ROBO1: variants seen among roughly 807,000 people sequenced by gnomAD.
ROBO1 encodes the protein roundabout homolog 1.
Under a neutral mutation model 195.9 loss-of-function variants are expected in ROBO1, and 149 were observed. The ratio of observed to expected loss-of-function variants is 0.76; its 90% CI spans 0.67 to 0.87. ROBO1 has a LOEUF of 0.87. ROBO1 is among the 40% of genes least tolerant of loss of function. The pLI, the probability that ROBO1 is intolerant of heterozygous loss-of-function variation, is 0.00. For missense variants in ROBO1, 1,933 were observed against 2,068.3 expected (o/e 0.93, Z 1.27); for synonymous variants, 816 against 733.2 (o/e 1.11, Z -1.82).
chr3:79,500,119 CTTTTTTTTTT>C (rs57887981), intron 2 of ROBO1, among the ~76,000 whole-genome samples: 46 of 72,498 alleles, frequency 6.3e-4, no homozygotes, highest in African/African-American at 1.3e-3. Context: ...TAAGTTTTCT[CTTTTTTTTTT>C]TTTTTTTTTT....
chr3:78,617,596 G>C, intron 27 of ROBO1, 39 bp downstream of exon 27: 1 of 1,556,462 alleles, frequency 6.4e-7, no homozygotes, highest in Non-Finnish European at 8.7e-7. Flanking sequence ...TATACATTGA[G>C]TTTTCTTTCC....
At chr3:79,150,930 G>C (rs970086280) in intron 2 of ROBO1, among the ~76,000 whole-genome samples, 33 of 151,578 alleles carry the variant, frequency 2.2e-4, no homozygotes, top group Non-Finnish European at 5.9e-5. Context: ...TGGTGTGGCT[G>C]TGTCCCCATC....
At chr3:79,717,736 C>G (rs1489340331) in intron 1 of ROBO1, among the ~76,000 whole-genome samples, 3 of 151,876 alleles carry the variant, frequency 2.0e-5, no homozygotes, top group African/African-American at 7.2e-5. Context: ...TTTTTTAAAA[C>G]TTACAGTGCT....
intron 2 of ROBO1, among the ~76,000 whole-genome samples, chr3:79,181,742 T>C (rs985829567): frequency 1.3e-5 from 2 of 151,962 alleles, no homozygotes; most frequent in African/African-American, 2.4e-5. Context: ...TTAAGAGACA[T>C]AGGGAGACCC....
At chr3:79,378,875 C>T (rs1207849378) in intron 2 of ROBO1, among the ~76,000 whole-genome samples, 1 of 152,272 alleles carries the variant, frequency 6.6e-6, no homozygotes, top group East Asian at 1.9e-4. Flanking sequence ...AGTTTCAGCT[C>T]CGCCTCTTCC....
intron 2 of ROBO1, among the ~76,000 whole-genome samples, chr3:79,238,752 A>T (rs2082458621): frequency 6.6e-6 from 1 of 152,166 alleles, no homozygotes; most frequent in Admixed American, 6.5e-5. Flanking sequence ...TCCTGATTAG[A>T]TGCAATTGAC....
At chr3:79,140,775 A>C (rs2080508751) in intron 2 of ROBO1, among the ~76,000 whole-genome samples, 1 of 152,198 alleles carries the variant, frequency 6.6e-6, no homozygotes, top group Non-Finnish European at 1.5e-5. Context: ...AGAAAAGTGA[A>C]TTTTGAAAAT....
At chr3:79,492,498 TTA>T (rs1939519502) in intron 2 of ROBO1, among the ~76,000 whole-genome samples, 1 of 151,246 alleles carries the variant, frequency 6.6e-6, no homozygotes, top group Non-Finnish European at 1.5e-5. Context: ...TGAAAACCAT[TTA>T]TGAGTTATTT....
At chr3:78,993,279 G>GCATA (rs892897609) in intron 3 of ROBO1, among the ~76,000 whole-genome samples, 14 of 152,122 alleles carry the variant, frequency 9.2e-5, no homozygotes, top group Non-Finnish European at 1.9e-4. Context: ...ACAAGCACAC[G>GCATA]CATACATACA....
intron 3 of ROBO1, among the ~76,000 whole-genome samples, chr3:79,085,121 A>G (rs1012522129): frequency 6.6e-6 from 1 of 152,174 alleles, no homozygotes; most frequent in Non-Finnish European, 1.5e-5. Context: ...GAGTTTTTTA[A>G]TAACATAGTA....
At chr3:79,638,082 G>A (rs759925296) in intron 1 of ROBO1, among the ~76,000 whole-genome samples, 1 of 152,152 alleles carries the variant, frequency 6.6e-6, no homozygotes, top group Admixed American at 6.5e-5. Flanking sequence ...ACTTCAGAAA[G>A]TTCAATAGAT....
At chr3:79,353,652 A>G (rs1210149214) in intron 2 of ROBO1, among the ~76,000 whole-genome samples, 1 of 152,170 alleles carries the variant, frequency 6.6e-6, no homozygotes, top group Non-Finnish European at 1.5e-5. Flanking sequence ...ATTTTGATTT[A>G]TTCTATAGTC....
intron 2 of ROBO1, among the ~76,000 whole-genome samples, chr3:79,498,648 G>A (rs1331196574): frequency 6.6e-6 from 1 of 152,126 alleles, no homozygotes; most frequent in Non-Finnish European, 1.5e-5. Context: ...GAGGTCAGAA[G>A]TTCAAGACCA....
intron 3 of ROBO1, among the ~76,000 whole-genome samples, chr3:79,034,473 T>C (rs868007019): frequency 1.3e-5 from 2 of 152,124 alleles, no homozygotes; most frequent in African/African-American, 4.8e-5. Context: ...TGTATTAGAA[T>C]TATAAAGTGA....
intron 4 of ROBO1, among the ~76,000 whole-genome samples, chr3:78,931,148 CT>C (rs1046022238): frequency 6.7e-6 from 1 of 150,232 alleles, no homozygotes. Flanking sequence ...AAAAAAATCA[CT>C]TTTTTTTGGA....
At chr3:79,199,329 A>C (rs1335811199) in intron 2 of ROBO1, among the ~76,000 whole-genome samples, 1 of 151,838 alleles carries the variant, frequency 6.6e-6, no homozygotes, top group East Asian at 1.9e-4. Context: ...AGAAGACTCA[A>C]GACATTTCTA....
chr3:79,386,497 G>A (rs2036751637), intron 2 of ROBO1, among the ~76,000 whole-genome samples: 2 of 152,068 alleles, frequency 1.3e-5, no homozygotes, highest in Admixed American at 6.6e-5. Context: ...TTTTCAATGA[G>A]ACTTGTATTC....
At chr3:78,916,166 C>T (rs1263199445) in intron 4 of ROBO1, among the ~76,000 whole-genome samples, 1 of 146,998 alleles carries the variant, frequency 6.8e-6, no homozygotes, top group South Asian at 2.3e-4. Flanking sequence ...AGGAGAATGG[C>T]GTGAACCCGG....
chr3:78,714,076 T>A (rs956507204), intron 8 of ROBO1, among the ~76,000 whole-genome samples: 2 of 152,198 alleles, frequency 1.3e-5, no homozygotes, highest in African/African-American at 4.8e-5. Flanking sequence ...AATTAAAAGA[T>A]TAGAAGGGCT....
Sources: allele counts gnomAD v4.1 joint callset (sites outside exome capture counted in the v4.1 genomes callset), GRCh38; gene constraint gnomAD v4.1.1; transcripts MANE v1.5; gene names NCBI Gene and HGNC (gene_info 2026-07-23, HGNC 2026-07-21).